HLA-G: variants seen among roughly 807,000 people sequenced by gnomAD.
The protein encoded by HLA-G is major histocompatibility complex, class I, G, also known as HLA class I histocompatibility antigen, alpha chain G.
A neutral mutation model predicts 39.3 loss-of-function variants in HLA-G; 34 were observed. The ratio of observed to expected loss-of-function variants is 0.86; its 90% CI spans 0.66 to 1.15. HLA-G has a LOEUF of 1.15. HLA-G is among the 50% of genes most tolerant of loss of function. HLA-G has a pLI of 0.00. For missense variants in HLA-G, 419 were observed against 456.4 expected (o/e 0.92, Z 0.75); for synonymous variants, 183 against 185.8 (o/e 0.99, Z 0.12).
At position 29,829,781 on chromosome 6, in the gene HLA-G, G is replaced by A. The variant is rs762821306; in HGVS notation, c.896-35G>A. On this transcript the variant is annotated intron_variant, in intron 4 of 6. Transcript: ENST00000360323. The stretch of plus-strand genomic sequence containing the variant: ...TAACAGGGTCGGTGGTGAGGGCTGG[G>A]GGTCAGAGACCCTCACCTTCACCTC... 7 of 1,603,322 alleles carry A rather than the reference G, an allele frequency of 4.4e-6. No homozygotes were observed. In the Admixed American group the frequency reaches 1.0e-4, roughly 23 times the overall value.
upstream of HLA-G, chr6:29,826,972 G>A: frequency 2.0e-6 from 1 of 507,064 alleles, no homozygotes; most frequent in South Asian, 1.5e-5. Flanking sequence ...GCAACATATA[G>A]TAACATAGTG....
At chr6:29,828,479 C>T in intron 2 of HLA-G, 64 bp from the exon 3 acceptor site, 1 of 1,576,260 alleles carries the variant, frequency 6.3e-7, no homozygotes, top group South Asian at 1.2e-5. Context: ...ACCAAAATCC[C>T]CGCGGGTGGG....
Position 29,828,607 on chromosome 6 carries a change from G to A in HLA-G, c.408G>A (p.Gly136=), listed in dbSNP as rs781544888. The change falls in exon 3 of 7, where the codon GGG becomes GGA. Residue 136 remains glycine, a synonymous_variant. Transcript: ENST00000360323. ...GGTCCGACGGACGCCTCCTCCGCGG[G>A]TATGAACAGTATGCCTACGATGGCA... ...DLGSDGRLLR[G]YEQYAYDGKD... 1 of 1,613,224 alleles carries A rather than the reference G, an allele frequency of 6.2e-7. No homozygotes were observed. Among genetic ancestry groups the A allele is most frequent in the Non-Finnish European group, 8.5e-7 (1 of 1,180,040 alleles).
rs1200732770 is a variant in HLA-G, at chr6:29,829,484, C to A, written c.686C>A (p.Ala229Asp). 6.2e-7 allele frequency: 1 copy of A among 1,613,890 alleles called. No individual in the cohort carries two copies. ...FDYEATLRCW[A>D]LGFYPAEIIL... ...TATGAGGCCACCCTGAGGTGCTGGG[C>A]CCTGGGCTTCTACCCTGCGGAGATC... Residue 229 changes from alanine (A) to aspartate (D), a missense_variant, in exon 4 of 7, where the codon GCC becomes GAC. Transcript: ENST00000360323.
rs771577119 is a variant in HLA-G, at chr6:29,829,450, G to C, written c.652G>C (p.Val218Leu). 6.2e-7 allele frequency: 1 copy of C among 1,613,774 alleles called. No individual in the cohort carries two copies. Among genetic ancestry groups the C allele is most frequent in the Non-Finnish European group, 8.5e-7 (1 of 1,179,830 alleles). Residue 218 changes from valine (V) to leucine (L), a missense_variant, in exon 4 of 7, where the codon GTC (valine) becomes CTC (leucine). This residue lies in a region of HLA-G where 328 missense variants were observed against 323.0 expected (regional missense o/e 1.02). Coordinates refer to ENST00000360323, the MANE Select transcript of HLA-G (RefSeq NM_001384290.1). ...PPKTHVTHHP[V>L]FDYEATLRCW... ...CAAGACACACGTGACCCACCACCCT[G>C]TCTTTGACTATGAGGCCACCCTGAG... is the stretch of plus-strand genomic sequence containing the variant.
chr6:29,827,546 G>C (rs1279315199), upstream of HLA-G: 3 of 425,064 alleles, frequency 7.1e-6, no homozygotes, highest in Non-Finnish European at 1.3e-5. Context: ...GGGAGACACT[G>C]AGACAGAACG....
At chr6:29,828,415 G>A in intron 2 of HLA-G, 99 bp downstream of exon 2, 1 of 1,549,472 alleles carries the variant, frequency 6.5e-7, no homozygotes, top group Non-Finnish European at 8.7e-7. Flanking sequence ...GATCCACCCC[G>A]AGGCCGCGGG....
chr6:29,827,651 A>C (rs1245332770), upstream of HLA-G: 8 of 658,720 alleles, frequency 1.2e-5, no homozygotes, highest in East Asian at 2.1e-4. Flanking sequence ...TGGGTTGGGG[A>C]GGCCCCGCGT....
intron 5 of HLA-G, 77 bp downstream of exon 5, chr6:29,830,009 C>T: frequency 9.6e-7 from 1 of 1,036,610 alleles, no homozygotes; most frequent in Non-Finnish European, 1.5e-6. Context: ...GAAGTGTGCC[C>T]TGCCTGGTTA....
intron 4 of HLA-G, 54 bp from the exon 5 acceptor site, chr6:29,829,762 G>C: frequency 1.2e-6 from 2 of 1,604,136 alleles, no homozygotes; most frequent in South Asian, 1.1e-5. Context: ...CCTTTAACAG[G>C]GTCGGTGGTG....
rs111781429 is a variant in HLA-G, at chr6:29,830,600, T to C, written c.*29-168T>C. On this transcript the variant is annotated intron_variant, in intron 6 of 6. Transcript: ENST00000360323. ...TAATGTGTCTCTCACGGCTTGTAAA[T>C]GTGACACCCCGGGGGGCCTGATGTG... 5.3e-3 allele frequency: 3,969 copies of C among 751,402 alleles called. 29 individuals are homozygous for C. The highest frequency in any genetic ancestry group is 9.7e-3 in the South Asian group (687 of 70,970). 46.5% of individuals were successfully genotyped at this position (751,402 alleles called of 1,614,324 possible).
At chr6:29,827,721 G>C, upstream of HLA-G, 2 of 938,648 alleles carry the variant, frequency 2.1e-6, no homozygotes, top group Non-Finnish European at 3.4e-6. Flanking sequence ...GATACTCACC[G>C]GGCGGCCCCA....
intron 6 of HLA-G, 66 bp from the exon 7 acceptor site, chr6:29,830,701 TG>T (rs1166349804): frequency 1.7e-6 from 1 of 591,364 alleles, no homozygotes; most frequent in East Asian, 3.5e-5. Flanking sequence ...GAGCATGTGA[TG>T]GGCTGTTTAA....
At position 29,829,575 on chromosome 6, in the gene HLA-G, T is replaced by G. The variant is rs140470441; in HGVS notation, c.777T>G (p.Pro259=). 3.2e-4 allele frequency: 511 copies of G among 1,613,888 alleles called. No homozygotes were observed. The highest frequency in any genetic ancestry group is 4.1e-4 in the Non-Finnish European group (486 of 1,179,986). The change falls in exon 4 of 7, where the codon CCT becomes CCG. Residue 259 remains proline (P), a synonymous_variant. Transcript: ENST00000360323. ...TQDVELVETR[P]AGDGTFQKWA... ...ACGTGGAGCTCGTGGAGACCAGGCCTGCAGGGGATGGAACCTTCCAGAAGT... is the reference window on the plus strand; with the variant it reads ...ACGTGGAGCTCGTGGAGACCAGGCCGGCAGGGGATGGAACCTTCCAGAAGT...
rs1761056257 is a variant in HLA-G, at chr6:29,829,444, C to G, written c.646C>G (p.His216Asp). ...ADPPKTHVTHHPVFDYEATLR... is the reference protein window; with the variant it reads ...ADPPKTHVTHDPVFDYEATLR... Reference sequence around the variant, plus strand: ...CCCCCCCAAGACACACGTGACCCACCACCCTGTCTTTGACTATGAGGCCAC... The same window carrying G: ...CCCCCCCAAGACACACGTGACCCACGACCCTGTCTTTGACTATGAGGCCAC... The change falls in exon 4 of 7, where the codon CAC becomes GAC. Residue 216 changes from histidine to aspartate, a missense_variant. By Grantham distance (81) the His-to-Asp change is moderately conservative. Transcript: ENST00000360323. 6.2e-7 allele frequency: 1 copy of G among 1,613,710 alleles called. No individual in the cohort carries two copies. The highest frequency in any genetic ancestry group is 1.1e-5 in the South Asian group (1 of 91,062).
At position 29,828,582 on chromosome 6, in the gene HLA-G, G is replaced by C; in HGVS notation, c.383G>C (p.Gly128Ala). The C allele has an allele frequency of 6.2e-7, 1 of 1,613,036 alleles. No homozygotes were observed. The highest frequency in any genetic ancestry group is 8.5e-7 in the Non-Finnish European group (1 of 1,179,962). ...TLQWMIGCDL[G>A]SDGRLLRGYE... ...CAGTGGATGATTGGCTGCGACCTGG[G>C]GTCCGACGGACGCCTCCTCCGCGGG... The change falls in exon 3 of 7, where the codon GGG becomes GCG. Residue 128 changes from glycine to alanine, a missense_variant. Physicochemically the swap from Gly to Ala is moderately conservative, Grantham distance 60. This residue lies in a region of HLA-G where 328 missense variants were observed against 323.0 expected (regional missense o/e 1.02). Transcript: ENST00000360323.
chr6:29,826,923 C>G, upstream of HLA-G: 2 of 470,472 alleles, frequency 4.3e-6, no homozygotes, highest in South Asian at 1.6e-5. Flanking sequence ...TGAACACTTA[C>G]AACTGTGAGG....
chr6:29,829,132 T>C (rs1174814368), intron 3 of HLA-G, among the ~76,000 whole-genome samples: 1 of 152,172 alleles, frequency 6.6e-6, no homozygotes, highest in Non-Finnish European at 1.5e-5. Flanking sequence ...GGCCTTGTTC[T>C]CTGCCTCACA....
intron 3 of HLA-G, 126 bp from the exon 4 acceptor site, chr6:29,829,292 C>T: frequency 1.3e-5 from 14 of 1,057,752 alleles, no homozygotes; most frequent in Non-Finnish European, 2.0e-5. Context: ...AGGCTGGTGT[C>T]TGGGTTCTGT....
Sources: gnomAD v4.1 joint callset for allele counts (sites outside exome capture counted in the v4.1 genomes callset) on GRCh38, gnomAD v4.1.1 for gene constraint, gnomAD v4.1.1 regional missense constraint, MANE v1.5 for transcripts, NCBI Gene and HGNC (gene_info 2026-07-23, HGNC 2026-07-21) for gene names.